NBN: variants seen among roughly 807,000 people sequenced by gnomAD.
NBN encodes nibrin, also known as Nijmegen breakage syndrome 1 (nibrin).
In NBN, 88 loss-of-function variants were observed where a neutral mutation model predicts 90.8. That is an observed-to-expected ratio of 0.97 (90% CI 0.82 to 1.16). The LOEUF is 1.16. Among genes scored for constraint, NBN ranks in the 50% most tolerant of loss-of-function variants. The pLI is 0.00. For synonymous variants in NBN, 328 were observed against 295.1 expected, an observed-to-expected ratio of 1.11 and a Z score of -1.14; for missense variants, 894 against 869.6, an observed-to-expected ratio of 1.03 and a Z score of -0.35.
At position 89,964,509 on chromosome 8, in the gene NBN, T is replaced by A. The variant is rs864622090; in HGVS notation, c.897-2A>T. The stretch of plus-strand genomic sequence containing the variant: ...TCAGGAATAGGTCTAAGACCTTGCC[T>A]ATTAGAATAAAATAGTTTAAGTATG... On this transcript the variant is annotated splice_acceptor_variant, in intron 7 of 15. Transcript: ENST00000265433. LOFTEE classifies it high-confidence loss of function. The A allele has an allele frequency of 4.4e-6, 7 of 1,584,100 alleles. No individual in the cohort carries two copies. The African/African-American group carries it at 9.4e-5, about 21-fold the overall frequency.
chr8:89,953,626 G>C lies in NBN; in HGVS notation c.1463C>G (p.Ser488Cys), dbSNP rs1060503472. 6.2e-7 allele frequency: 1 copy of C among 1,613,036 alleles called. No individual in the cohort carries two copies. Among genetic ancestry groups the C allele is most frequent in the Non-Finnish European group, 8.5e-7 (1 of 1,179,568 alleles). The part of the protein sequence containing the change: ...CKSARIETSC[S>C]LLEQTQPATP... Reference sequence around the variant, plus strand: ...AGCAGGTTGTGTTTGTTCTAAAAGAGAACAAGACGTTTCTATTCTTGCTGA... The same window carrying C: ...AGCAGGTTGTGTTTGTTCTAAAAGACAACAAGACGTTTCTATTCTTGCTGA... The change falls in exon 11 of 16, where the codon TCT (serine) becomes TGT (cysteine). Residue 488 changes from serine (S) to cysteine (C), a missense_variant. Ser to Cys is a moderately radical substitution (Grantham distance 112). Transcript: ENST00000265433.
intron 14 of NBN, among the ~76,000 whole-genome samples, chr8:89,942,326 A>G (rs1809987300): frequency 6.6e-6 from 1 of 152,192 alleles, no homozygotes; most frequent in African/African-American, 2.4e-5. Flanking sequence ...AAGAATCACA[A>G]GGAGAGATTT....
rs755777258 is a variant in NBN at position 89,978,350 on chromosome 8, A to G, written c.481-27T>C. 11 of 1,560,152 alleles carry G rather than the reference A, an allele frequency of 7.1e-6. No homozygotes were observed. In the South Asian group the frequency reaches 8.9e-5, roughly 13 times the overall value. ...TACAATGAAGAAAACATGTGAATATATATATTCACATGCTAGCATTTTTTA... is the reference window on the plus strand; with the variant it reads ...TACAATGAAGAAAACATGTGAATATGTATATTCACATGCTAGCATTTTTTA... On this transcript the variant is annotated intron_variant, in intron 4 of 15. Coordinates refer to ENST00000265433, the MANE Select transcript of NBN (RefSeq NM_002485.5).
intron 7 of NBN, among the ~76,000 whole-genome samples, chr8:89,966,530 C>A (rs1811261855): frequency 6.6e-6 from 1 of 152,166 alleles, no homozygotes; most frequent in Middle Eastern, 3.4e-3. Context: ...ATATAAAATT[C>A]TATTAAGAGA....
chr8:89,961,366 C>T (rs1480130690), intron 8 of NBN, among the ~76,000 whole-genome samples: 1 of 152,108 alleles, frequency 6.6e-6, no homozygotes, highest in African/African-American at 2.4e-5. Context: ...TTAGTAAGAG[C>T]CTACAATCTA....
At chr8:89,976,320 T>C (rs1167483924) in intron 5 of NBN, among the ~76,000 whole-genome samples, 5 of 152,218 alleles carry the variant, frequency 3.3e-5, no homozygotes, top group Non-Finnish European at 7.3e-5. Flanking sequence ...GGAAAAAATG[T>C]AGAAAGATGC....
chr8:89,947,272 C>G lies in NBN; in HGVS notation c.1914+552G>C, dbSNP rs150233786. ...TGTTCAAGGCCACATACCTAAGGAG[C>G]AGAAGGCAGGGAATTACACCCTGGC... On this transcript the variant is annotated intron_variant, in intron 12 of 15. Transcript: ENST00000265433. Among the ~76,000 whole-genome samples, 322 of 152,210 alleles carry G rather than the reference C, an allele frequency of 2.1e-3. 2 individuals are homozygous for G. Among genetic ancestry groups the G allele is most frequent in the African/African-American group, 7.0e-3 (289 of 41,510 alleles).
chr8:89,977,879 GCACCACA>G (rs766656292), intron 5 of NBN, among the ~76,000 whole-genome samples: 27 of 152,334 alleles, frequency 1.8e-4, no homozygotes, highest in Non-Finnish European at 3.5e-4. Context: ...GAGGGCTGCT[GCACCACA>G]CAATTCCAGA....
chr8:89,976,109 A>C (rs960384624), intron 5 of NBN, among the ~76,000 whole-genome samples: 2 of 152,138 alleles, frequency 1.3e-5, no homozygotes, highest in African/African-American at 4.8e-5. Context: ...CTTAAGCCTC[A>C]GTCTTCCAAG....
rs372938156 is a variant in NBN, at chr8:89,964,388, A to G, written c.994+22T>C. The G allele has an allele frequency of 6.2e-6, 10 of 1,613,016 alleles. No homozygotes were observed. The African/African-American group carries it at 1.3e-4, about 22-fold the overall frequency. On this transcript the variant is annotated intron_variant, in intron 8 of 15. Coordinates refer to ENST00000265433, the MANE Select transcript of NBN (RefSeq NM_002485.5). ...TACATAATAAAGTTGCTAACGAATC[A>G]ATAAAATAATGCTTCAATTACCTGT...
At chr8:89,958,990 G>A (rs1810867889) in intron 8 of NBN, 136 bp from the exon 9 acceptor site, 4 of 1,166,206 alleles carry the variant, frequency 3.4e-6, no homozygotes, top group African/African-American at 3.0e-5. Flanking sequence ...TCTCCAATGA[G>A]TGGTACCAAC....
At chr8:89,961,523 G>T (rs538900936) in intron 8 of NBN, among the ~76,000 whole-genome samples, 30 of 152,180 alleles carry the variant, frequency 2.0e-4, no homozygotes, top group Non-Finnish European at 4.4e-4. Flanking sequence ...ATTTAGAAGA[G>T]CCTTACGAAG....
At position 89,934,208 on chromosome 8, in the gene NBN, T is replaced by C. The variant is rs981010856; in HGVS notation, c.*1374A>G. The C allele has an allele frequency of 4.3e-6, 1 of 231,306 alleles. No homozygotes were observed. The highest frequency in any genetic ancestry group is 2.2e-5 in the African/African-American group (1 of 45,232). 14.3% of individuals were successfully genotyped at this position (231,306 alleles called of 1,614,324 possible). ...CTATTAAGAGACTCAAATGACTCCA[T>C]TTCATCAACTAATATGCCCTGTCAA... is the stretch of plus-strand genomic sequence containing the variant. On this transcript the variant is annotated 3_prime_UTR_variant, in exon 16 of 16. Coordinates refer to ENST00000265433, the MANE Select transcript of NBN (RefSeq NM_002485.5).
Position 89,974,321 on chromosome 8 carries a change from T to G in NBN, c.585-3031A>C, listed in dbSNP as rs1042841730. ...CAGTGACATCCACAATTTGCAAATG[T>G]GAGGTTCCATATCCTGAAAAAAATT... On this transcript the variant is annotated intron_variant, in intron 5 of 15. Coordinates refer to ENST00000265433, the MANE Select transcript of NBN (RefSeq NM_002485.5). Among the ~76,000 whole-genome samples the G allele has an allele frequency of 2.0e-5, 3 of 150,658 alleles. No homozygotes were observed. The Admixed American group carries it at 2.0e-4, about 10-fold the overall frequency.
intron 3 of NBN, 92 bp downstream of exon 3, chr8:89,981,283 G>C: frequency 7.2e-7 from 1 of 1,384,486 alleles, no homozygotes. Context: ...AAATTATACT[G>C]TTTTAAATTC....
chr8:89,956,112 C>CA (rs1232626989), intron 9 of NBN, among the ~76,000 whole-genome samples: 1 of 151,078 alleles, frequency 6.6e-6, no homozygotes, highest in Non-Finnish European at 1.5e-5. Context: ...TTTCAACATA[C>CA]ATGCACAGAG....
intron 7 of NBN, among the ~76,000 whole-genome samples, chr8:89,968,076 G>C (rs550618541): frequency 2.6e-5 from 4 of 152,160 alleles, no homozygotes; most frequent in Admixed American, 1.3e-4. Context: ...TGGGCAACAT[G>C]GCAAAACCCA....
Position 89,935,308 on chromosome 8 carries a change from A to G in NBN, c.*274T>C, listed in dbSNP as rs1809617490. ...GGTGACTTTAGTCTTTACCTTACGTACATTTAGAATTTTGAACTGTGACTA... is the reference window on the plus strand; with the variant it reads ...GGTGACTTTAGTCTTTACCTTACGTGCATTTAGAATTTTGAACTGTGACTA... On this transcript the variant is annotated 3_prime_UTR_variant, in exon 16 of 16. Transcript: ENST00000265433. The G allele has an allele frequency of 7.8e-6, 3 of 385,876 alleles. No individual in the cohort carries two copies. In the East Asian group the frequency reaches 1.3e-4, roughly 17 times the overall value. The allele number at this position is 385,876 out of a possible 1,614,324, so 23.9% of individuals were successfully genotyped here. A position where few individuals can be genotyped will look rare whatever the true frequency, so the allele number is the denominator to read the frequency against.
At position 89,935,520 on chromosome 8, in the gene NBN, T is replaced by G; in HGVS notation, c.*62A>C. ...TATACACTATATATTCATATAACCT[T>G]GTTGGCCTGAAGTAGATGCTTACTA... On this transcript the variant is annotated 3_prime_UTR_variant, in exon 16 of 16. Coordinates refer to ENST00000265433, the MANE Select transcript of NBN (RefSeq NM_002485.5). The G allele has an allele frequency of 1.3e-6, 2 of 1,597,930 alleles. No individual in the cohort carries two copies. The highest frequency in any genetic ancestry group is 1.7e-6 in the Non-Finnish European group (2 of 1,166,892).
Sources: gnomAD v4.1 joint callset for allele counts (sites outside exome capture counted in the v4.1 genomes callset) on GRCh38, gnomAD v4.1.1 for gene constraint, MANE v1.5 for transcripts, NCBI Gene and HGNC (gene_info 2026-07-23, HGNC 2026-07-21) for gene names.